HERC3: variants seen among roughly 807,000 people sequenced by gnomAD.
HERC3 encodes HECT and RLD domain containing E3 ubiquitin protein ligase 3, also known as probable E3 ubiquitin-protein ligase HERC3.
Under a neutral mutation model 129.9 loss-of-function variants are expected in HERC3, and 58 were observed. The ratio of observed to expected loss-of-function variants is 0.45; its 90% CI spans 0.36 to 0.56. The LOEUF is 0.56. Ranked by LOEUF, HERC3 falls within the 20% of genes least tolerant of loss-of-function variation. The probability of loss-of-function intolerance (pLI) is 0.00; values close to 1 mark genes in which losing one functional copy is unlikely to be tolerated. For synonymous variants in HERC3, 430 were observed against 451.0 expected, an observed-to-expected ratio of 0.95 and a Z score of 0.59; for missense variants, 835 against 1,244.2, an observed-to-expected ratio of 0.67 and a Z score of 4.95.
At chr4:88,617,917 A>G (rs939486986) in intron 3 of HERC3, among the ~76,000 whole-genome samples, 2 of 150,828 alleles carry the variant, frequency 1.3e-5, no homozygotes, top group African/African-American at 4.9e-5. Context: ...AAAAGTGGGG[A>G]CCATTATGCC....
intron 23 of HERC3, chr4:88,690,411 T>C (rs1043248457): frequency 6.1e-6 from 6 of 985,164 alleles, no homozygotes; most frequent in Non-Finnish European, 7.2e-6. Context: ...CGTATGTAGA[T>C]ACATACGTAA....
At chr4:88,585,029 A>C in the HERC3 span, among the ~76,000 whole-genome samples, 1 of 152,232 alleles carries the variant, frequency 6.6e-6, no homozygotes, top group Non-Finnish European at 1.5e-5. Context: ...TGAGAAGTTC[A>C]AGATCAAGGC....
At chr4:88,552,028 G>A in the HERC3 span, among the ~76,000 whole-genome samples, 17 of 151,008 alleles carry the variant, frequency 1.1e-4, no homozygotes, top group African/African-American at 2.9e-4. Flanking sequence ...GTAAACTATC[G>A]CAAGGACAAA....
At chr4:88,656,866 G>C (rs886176823) in intron 9 of HERC3, 21 of 152,182 alleles carry the variant, frequency 1.4e-4, no homozygotes, top group African/African-American at 5.1e-4. Context: ...CAAGTAATTT[G>C]CCCAAGATCA....
chr4:88,605,049 G>T (rs886741175), intron 2 of HERC3, among the ~76,000 whole-genome samples: 2 of 152,168 alleles, frequency 1.3e-5, no homozygotes, highest in Admixed American at 6.5e-5. Flanking sequence ...CTAAATAGAA[G>T]AGGTCTGTGT....
At chr4:88,580,272 C>G in the HERC3 span, among the ~76,000 whole-genome samples, 2 of 152,124 alleles carry the variant, frequency 1.3e-5, no homozygotes, top group Admixed American at 1.3e-4. Flanking sequence ...TGCCTGTAAT[C>G]CCAGGACTTT....
chr4:88,557,349 A>G, the HERC3 span, among the ~76,000 whole-genome samples: 3 of 152,198 alleles, frequency 2.0e-5, no homozygotes, highest in Non-Finnish European at 2.9e-5. Flanking sequence ...GTAGTCATAA[A>G]TACAGTCAAA....
At chr4:88,629,083 G>A (rs1726459326) in intron 3 of HERC3, among the ~76,000 whole-genome samples, 1 of 152,188 alleles carries the variant, frequency 6.6e-6, no homozygotes, top group Non-Finnish European at 1.5e-5. Flanking sequence ...GCTTGAACCT[G>A]GGAGGTGGAG....
At chr4:88,697,406 G>A (rs776952544) in intron 23 of HERC3, 3 of 1,613,998 alleles carry the variant, frequency 1.9e-6, no homozygotes, top group Non-Finnish European at 2.5e-6. Context: ...ATCTTGGCGA[G>A]TAGGGGCTTA....
chr4:88,524,090 G>A, the HERC3 span, among the ~76,000 whole-genome samples: 1 of 152,230 alleles, frequency 6.6e-6, no homozygotes, highest in African/African-American at 2.4e-5. Context: ...TTACCTCCAA[G>A]TGAAGTTTCA....
intron 6 of HERC3, among the ~76,000 whole-genome samples, chr4:88,653,315 T>G (rs1578247868): frequency 6.6e-6 from 1 of 152,118 alleles, no homozygotes; most frequent in South Asian, 2.1e-4. Context: ...CTGCTTTACA[T>G]AAGGTGGTGG....
In HERC3 at chr4:88,693,559, G is replaced by C. The variant is rs1176559177; in HGVS notation, c.2657+6260G>C. The C allele has an allele frequency of 3.2e-6, 3 of 948,358 alleles. No individual in the cohort carries two copies. The African/African-American group carries it at 5.3e-5, about 17-fold the overall frequency. The allele number at this position is 948,358 out of a possible 1,614,324, so 58.7% of individuals were successfully genotyped here. ...TAAAAAATGAATTAACTAGAAGGTG[G>C]TGGTTGCACAGCATTATGAATGTAC... On this transcript the variant is annotated intron_variant, in intron 23 of 25. Transcript: ENST00000402738.
upstream of HERC3, among the ~76,000 whole-genome samples, chr4:88,590,492 C>T (rs1174413702): frequency 6.6e-6 from 1 of 151,758 alleles, no homozygotes; most frequent in Non-Finnish European, 1.5e-5. Context: ...CCGGGAGGCG[C>T]AGCTTGCAGG....
intron 16 of HERC3, among the ~76,000 whole-genome samples, chr4:88,675,724 T>G (rs1732089148): frequency 6.6e-6 from 1 of 151,648 alleles, no homozygotes; most frequent in African/African-American, 2.4e-5. Flanking sequence ...AGTGACAGCT[T>G]ACTAGATAAA....
chr4:88,632,904 C>T (rs1726933382), intron 3 of HERC3, among the ~76,000 whole-genome samples: 2 of 152,096 alleles, frequency 1.3e-5, no homozygotes, highest in South Asian at 4.1e-4. Flanking sequence ...TGAACCCAAG[C>T]AAGATAAACC....
intron 3 of HERC3, among the ~76,000 whole-genome samples, chr4:88,630,972 C>T (rs1431659608): frequency 2.6e-5 from 4 of 152,232 alleles, no homozygotes; most frequent in Non-Finnish European, 5.9e-5. Flanking sequence ...TTCCCTGTGA[C>T]AGGGCTCCAT....
At chr4:88,556,623 C>T in the HERC3 span, among the ~76,000 whole-genome samples, 1 of 152,172 alleles carries the variant, frequency 6.6e-6, no homozygotes, top group Non-Finnish European at 1.5e-5. Context: ...CTTACTTGCA[C>T]TCAGTCCTAA....
chr4:88,653,096 T>C lies in HERC3; in HGVS notation c.685+6T>C. 2 of 1,613,478 alleles carry C rather than the reference T, an allele frequency of 1.2e-6. No individual in the cohort carries two copies. The highest frequency in any genetic ancestry group is 1.1e-5 in the South Asian group (1 of 91,054). ...AGGGCTCAGTGATGAAAAAGGTAGG[T>C]AAACCCTTCATATGTATGTATTTAG... On this transcript the variant is annotated splice_donor_region_variant and intron_variant, in intron 6 of 25. Coordinates refer to ENST00000402738, the MANE Select transcript of HERC3 (RefSeq NM_014606.3).
At chr4:88,626,110 T>G (rs1485079819) in intron 3 of HERC3, among the ~76,000 whole-genome samples, 1 of 152,200 alleles carries the variant, frequency 6.6e-6, no homozygotes, top group Non-Finnish European at 1.5e-5. Context: ...GTTTTATTAT[T>G]AGGGTAATGC....
Sources: allele counts gnomAD v4.1 joint callset (sites outside exome capture counted in the v4.1 genomes callset), GRCh38; gene constraint gnomAD v4.1.1; transcripts MANE v1.5; gene names NCBI Gene and HGNC (gene_info 2026-07-23, HGNC 2026-07-21).